ARHGAP26: variants seen among roughly 807,000 people sequenced by gnomAD.
ARHGAP26 encodes the protein rho GTPase-activating protein 26.
Under a neutral mutation model 104.8 loss-of-function variants are expected in ARHGAP26, and 38 were observed. The ratio of observed to expected loss-of-function variants is 0.36; its 90% CI spans 0.28 to 0.48. The LOEUF is 0.48. Among genes scored for constraint, ARHGAP26 ranks in the 20% least tolerant of loss-of-function variants. The pLI, the probability that ARHGAP26 is intolerant of heterozygous loss-of-function variation, is 0.99. For missense variants in ARHGAP26, 704 were observed against 947.9 expected (o/e 0.74, Z 3.38); for synonymous variants, 341 against 340.0 (o/e 1.00, Z -0.03).
intron 20 of ARHGAP26, among the ~76,000 whole-genome samples, chr5:143,181,424 C>T (rs1804344968): frequency 6.6e-6 from 1 of 152,220 alleles, no homozygotes; most frequent in Admixed American, 6.5e-5. Context: ...GAAAGCCTTT[C>T]CTGCTTCCCC....
intron 12 of ARHGAP26, among the ~76,000 whole-genome samples, chr5:143,015,220 C>T (rs1779421714): frequency 6.6e-6 from 1 of 152,074 alleles, no homozygotes; most frequent in African/African-American, 2.4e-5. Context: ...AGAAGTAATT[C>T]CACCCTACCC....
At chr5:142,894,401 T>C in intron 6 of ARHGAP26, 53 bp downstream of exon 6, 1 of 1,489,596 alleles carries the variant, frequency 6.7e-7, no homozygotes, top group Non-Finnish European at 9.3e-7. Context: ...TCCCTCATTC[T>C]AACTAGTAGT....
intron 10 of ARHGAP26, among the ~76,000 whole-genome samples, chr5:142,918,896 G>A (rs777874095): frequency 6.6e-6 from 1 of 152,110 alleles, no homozygotes; most frequent in Non-Finnish European, 1.5e-5. Context: ...TTCTTTGAAG[G>A]TTCCTTCTGA....
In ARHGAP26 at chr5:143,226,298, G is replaced by C. The variant is rs568783103; in HGVS notation, c.*3852G>C. The stretch of plus-strand genomic sequence containing the variant: ...AGATTGAGACCATCCTGGCTACGAC[G>C]GTGAAACCCCGTCTCTACTAAAAAT... On this transcript the variant is annotated 3_prime_UTR_variant, in exon 23 of 23. Coordinates refer to ENST00000645722, the MANE Select transcript of ARHGAP26 (RefSeq NM_001135608.3). 1 of 175,864 alleles carries C rather than the reference G, an allele frequency of 5.7e-6. No individual in the cohort carries two copies. The highest frequency in any genetic ancestry group is 9.8e-5 in the East Asian group (1 of 10,210). 10.9% of individuals were successfully genotyped at this position (175,864 alleles called of 1,614,324 possible).
intron 19 of ARHGAP26, among the ~76,000 whole-genome samples, chr5:143,137,490 C>G (rs1417199716): frequency 2.0e-5 from 3 of 152,224 alleles, no homozygotes; most frequent in Admixed American, 6.5e-5. Flanking sequence ...GAGCAGATAC[C>G]TGGTTGGAGG....
At chr5:143,140,027 G>C (rs1228267564) in intron 19 of ARHGAP26, among the ~76,000 whole-genome samples, 1 of 152,178 alleles carries the variant, frequency 6.6e-6, no homozygotes, top group Admixed American at 6.5e-5. Flanking sequence ...GCGTTTCTTG[G>C]AACAGTGGTT....
chr5:142,895,554 A>G (rs1201203411), intron 6 of ARHGAP26, among the ~76,000 whole-genome samples: 3 of 152,192 alleles, frequency 2.0e-5, no homozygotes, highest in African/African-American at 7.2e-5. Flanking sequence ...TTCTTAAGCA[A>G]ATAAGAATAA....
chr5:143,041,722 GAAAAAAAA>G, intron 13 of ARHGAP26, 86 bp from the exon 14 acceptor site: 1 of 641,968 alleles, frequency 1.6e-6, no homozygotes, highest in Non-Finnish European at 2.5e-6. Flanking sequence ...CTGAGAAAAT[GAAAAAAAA>G]AAAAAAAAAA....
rs533492325 is a variant in ARHGAP26, at chr5:142,835,377, C to G, written c.155-38023C>G. ...CGTGTAAGAGAGTATTCAGGTGGCC[C>G]CATTCATTTAACTCCTGGGTCTTGC... On this transcript the variant is annotated intron_variant, in intron 1 of 22. Transcript: ENST00000645722. 2.7e-4 allele frequency among the ~76,000 whole-genome samples: 41 copies of G among 152,204 alleles called. No homozygotes were observed. In the South Asian group the frequency reaches 7.7e-3, roughly 28 times the overall value.
intron 19 of ARHGAP26, among the ~76,000 whole-genome samples, chr5:143,143,328 T>C (rs1798784162): frequency 6.6e-6 from 1 of 152,194 alleles, no homozygotes; most frequent in East Asian, 1.9e-4. Context: ...GCCTCCCCTG[T>C]GTGATGGGGT....
chr5:142,862,162 C>A (rs1237752151), intron 1 of ARHGAP26, among the ~76,000 whole-genome samples: 2 of 152,178 alleles, frequency 1.3e-5, no homozygotes, highest in African/African-American at 4.8e-5. Flanking sequence ...GGTGACAGGC[C>A]TTGGCTTCTC....
At chr5:143,124,353 A>C (rs1432543199) in intron 18 of ARHGAP26, among the ~76,000 whole-genome samples, 3 of 152,244 alleles carry the variant, frequency 2.0e-5, no homozygotes, top group Admixed American at 6.5e-5. Flanking sequence ...TTAATTTTCT[A>C]TTGCTATATA....
intron 1 of ARHGAP26, among the ~76,000 whole-genome samples, chr5:142,778,418 T>C (rs902656295): frequency 6.6e-6 from 1 of 152,228 alleles, no homozygotes; most frequent in Non-Finnish European, 1.5e-5. Context: ...CAGTTTGGTA[T>C]GCATTTTTTC....
At position 143,010,423 on chromosome 5, in the gene ARHGAP26, A is replaced by G. The variant is rs1474396802; in HGVS notation, c.1108-3657A>G. On this transcript the variant is annotated intron_variant, in intron 11 of 22. Coordinates refer to ENST00000645722, the MANE Select transcript of ARHGAP26 (RefSeq NM_001135608.3). ...GTGGTTGCAAGGATTAGATGTTGCCATGTGTGGTGCTTGGTAAGTGCTAGG... is the reference window on the plus strand; with the variant it reads ...GTGGTTGCAAGGATTAGATGTTGCCGTGTGTGGTGCTTGGTAAGTGCTAGG... Among the ~76,000 whole-genome samples the G allele has an allele frequency of 6.6e-5, 10 of 152,202 alleles. No individual in the cohort carries two copies. The East Asian group carries it at 1.7e-3, about 26-fold the overall frequency.
chr5:142,814,650 G>A (rs1404718276), intron 1 of ARHGAP26, among the ~76,000 whole-genome samples: 1 of 152,192 alleles, frequency 6.6e-6, no homozygotes, highest in African/African-American at 2.4e-5. Flanking sequence ...AGCTTGTGAG[G>A]CAGTGTAGTA....
At chr5:142,776,613 T>C (rs773325020) in intron 1 of ARHGAP26, among the ~76,000 whole-genome samples, 1 of 152,260 alleles carries the variant, frequency 6.6e-6, no homozygotes, top group Admixed American at 6.5e-5. Context: ...TTCCATTTTG[T>C]AAACCATAAG....
chr5:143,044,989 T>C (rs1784025017), intron 14 of ARHGAP26, among the ~76,000 whole-genome samples: 1 of 152,202 alleles, frequency 6.6e-6, no homozygotes, highest in Admixed American at 6.5e-5. Flanking sequence ...TGACAGATTA[T>C]TATGTAAGAT....
At chr5:142,799,124 G>C (rs928052278) in intron 1 of ARHGAP26, among the ~76,000 whole-genome samples, 1 of 152,030 alleles carries the variant, frequency 6.6e-6, no homozygotes. Context: ...TACTGTAAGA[G>C]TAAAGTAATG....
rs113771839 is a variant in ARHGAP26, at chr5:142,823,884, C to T, written c.155-49516C>T. Among the ~76,000 whole-genome samples the T allele has an allele frequency of 6.2e-3, 937 of 152,258 alleles. 10 individuals carry two copies. The highest frequency in any genetic ancestry group is 0.022 in the African/African-American group (893 of 41,528). ...TGATTTGTTCTCTCATAAGGCCTGT[C>T]GTGACAGAATTTTCACTTTTTAAAA... On this transcript the variant is annotated intron_variant, in intron 1 of 22. Coordinates refer to ENST00000645722, the MANE Select transcript of ARHGAP26 (RefSeq NM_001135608.3).
Sources: allele counts gnomAD v4.1 joint callset (sites outside exome capture counted in the v4.1 genomes callset), GRCh38; gene constraint gnomAD v4.1.1; transcripts MANE v1.5; gene names NCBI Gene and HGNC (gene_info 2026-07-23, HGNC 2026-07-21).